Variants in ZNF19 observed in about 807,000 individuals in gnomAD.
ZNF19 encodes the protein zinc finger protein 19.
In ZNF19, 11 loss-of-function variants were observed where a neutral mutation model predicts 13.1. The ratio of observed to expected loss-of-function variants is 0.84; its 90% CI spans 0.53 to 1.39. ZNF19 has a LOEUF of 1.39. ZNF19 is among the 40% of genes most tolerant of loss of function. ZNF19 has a pLI of 0.00. For synonymous variants in ZNF19, 186 were observed against 187.0 expected (o/e 0.99, Z 0.04); for missense variants, 560 against 547.0 (o/e 1.02, Z -0.24).
At position 71,474,699 on chromosome 16, in the gene ZNF19, C is replaced by T. The variant is rs2043588118; in HGVS notation, c.*471G>A. On this transcript the variant is annotated 3_prime_UTR_variant, in exon 6 of 6. Coordinates refer to ENST00000288177, the MANE Select transcript of ZNF19 (RefSeq NM_006961.4). ...TCAAACAACTGCTACAATGACAACA[C>T]TGTTTAAGTCAAAATTCTGTTCCAA... is the stretch of plus-strand genomic sequence containing the variant. 2 of 160,590 alleles carry T rather than the reference C, an allele frequency of 1.2e-5. No homozygotes were observed. The highest frequency in any genetic ancestry group is 2.7e-5 in the Non-Finnish European group (2 of 73,284). 9.9% of individuals were successfully genotyped at this position (160,590 alleles called of 1,614,324 possible).
chr16:71,477,909 T>G, intron 5 of ZNF19: 1 of 245,764 alleles, frequency 4.1e-6, no homozygotes, highest in Non-Finnish European at 7.9e-6. Flanking sequence ...AACTTGTACC[T>G]GCCAGAACTT....
At position 71,478,289 on chromosome 16, in the gene ZNF19, C is replaced by T; in HGVS notation, c.213G>A (p.Met71Ile). Residue 71 changes from methionine (M) to isoleucine (I), a missense_variant, in exon 5 of 6, where the codon ATG becomes ATA. Coordinates refer to ENST00000288177, the MANE Select transcript of ZNF19 (RefSeq NM_006961.4). ...CATCCTGTGCTTCCAGGCCCCAAGC[C>T]ATGTCCCCTCTCTCCAAAAGTGAGA... ...ALISLLERGD[M>I]AWGLEAQDDP... The T allele has an allele frequency of 1.2e-6, 2 of 1,614,130 alleles. No homozygotes were observed. The highest frequency in any genetic ancestry group is 1.1e-5 in the South Asian group (1 of 91,066).
intron 2 of ZNF19, among the ~76,000 whole-genome samples, chr16:71,484,226 C>G (rs1222457437): frequency 2.0e-5 from 3 of 152,220 alleles, no homozygotes; most frequent in African/African-American, 4.8e-5. Flanking sequence ...GGGGCCCACG[C>G]CCCGCCTCAT....
chr16:71,479,083 G>A, intron 3 of ZNF19, 78 bp from the exon 4 acceptor site: 1 of 1,604,926 alleles, frequency 6.2e-7, no homozygotes, highest in Non-Finnish European at 8.5e-7. Context: ...GGGACAGGTA[G>A]GGACTTGAGG....
chr16:71,475,715 A>G lies in ZNF19; in HGVS notation c.832T>C (p.Cys278Arg), dbSNP rs771580209. 6 of 1,612,520 alleles carry G rather than the reference A, an allele frequency of 3.7e-6. No individual in the cohort carries two copies. The highest frequency in any genetic ancestry group is 5.1e-6 in the Non-Finnish European group (6 of 1,178,772). ...GAATTACCAACAAAAGCTTTGCCACACTCATTACACTCATAGGGTTTCTCC... is the reference window on the plus strand; with the variant it reads ...GAATTACCAACAAAAGCTTTGCCACGCTCATTACACTCATAGGGTTTCTCC... ...TGEKPYECNE[C>R]GKAFVGNSPL... Residue 278 changes from cysteine to arginine, a missense_variant, in exon 6 of 6, where the codon TGT becomes CGT. By Grantham distance (180) the Cys-to-Arg change is radical. Coordinates refer to ENST00000288177, the MANE Select transcript of ZNF19 (RefSeq NM_006961.4).
At chr16:71,478,152 G>T in intron 5 of ZNF19, 76 bp downstream of exon 5, 1 of 960,254 alleles carries the variant, frequency 1.0e-6, no homozygotes, top group Non-Finnish European at 1.6e-6. Flanking sequence ...TTTAAATCCT[G>T]CCCAGCATGA....
chr16:71,488,906 A>C (rs2145175936), intron 1 of ZNF19: 1 of 152,404 alleles, frequency 6.6e-6, no homozygotes, highest in East Asian at 1.9e-4. Context: ...CAGACACTGC[A>C]ACTGCAAGAG....
rs2043585498 is a variant in ZNF19, at chr16:71,474,354, T to TA, written c.*815dup. 2 of 152,306 alleles carry TA rather than the reference T, an allele frequency of 1.3e-5. No individual in the cohort carries two copies. The highest frequency in any genetic ancestry group is 2.4e-5 in the African/African-American group (1 of 41,570). 9.4% of individuals were successfully genotyped at this position (152,306 alleles called of 1,614,324 possible). On this transcript the variant is annotated 3_prime_UTR_variant, in exon 6 of 6. Transcript: ENST00000288177. ...GGCCTAGAGTAGCATCCATTCCAAA[T>TA]AAAAAACTGAATAAACAGAAAATGA...
Position 71,473,771 on chromosome 16 carries a change from G to A in ZNF19, c.*1399C>T, listed in dbSNP as rs2043582058. The A allele has an allele frequency of 6.6e-6, 1 of 152,190 alleles. No individual in the cohort carries two copies. The highest frequency in any genetic ancestry group is 1.5e-5 in the Non-Finnish European group (1 of 68,066). 9.4% of individuals were successfully genotyped at this position (152,190 alleles called of 1,614,324 possible). On this transcript the variant is annotated 3_prime_UTR_variant, in exon 6 of 6. Transcript: ENST00000288177. ...AGCTAATTCTTGTATTTTTAGTAGA[G>A]ACGGGGTTTCACCATGTTGGCCAGG... is the stretch of plus-strand genomic sequence containing the variant.
At chr16:71,481,422 T>C (rs558644368) in intron 3 of ZNF19, among the ~76,000 whole-genome samples, 4 of 152,336 alleles carry the variant, frequency 2.6e-5, no homozygotes, top group Admixed American at 1.3e-4. Context: ...GTCCCAAAAA[T>C]GTAAGGTACT....
At chr16:71,482,403 CA>C (rs1745471810) in intron 2 of ZNF19, 1 of 372,910 alleles carries the variant, frequency 2.7e-6, no homozygotes, top group African/African-American at 2.0e-5. Context: ...AAGAGCAAAA[CA>C]AGCAAAAGAC....
rs764579146 is a variant in ZNF19 at position 71,478,880 on chromosome 16, C to T, written c.159G>A (p.Leu53=). 3.7e-6 allele frequency: 6 copies of T among 1,613,996 alleles called. No homozygotes were observed. The highest frequency in any genetic ancestry group is 5.1e-6 in the Non-Finnish European group (6 of 1,179,878). Residue 53 remains leucine (L), a splice_region_variant and synonymous_variant, in exon 4 of 6, where the codon TTG becomes TTA. Coordinates refer to ENST00000288177, the MANE Select transcript of ZNF19 (RefSeq NM_006961.4). The stretch of plus-strand genomic sequence containing the variant: ...GTCCTAGGAGGAAAATGGCCTTACC[C>T]AAAGCAGTCAGGTTCCCAAAATTCT... ...MLENFGNLTA[L]GYPVPKPALI... is the part of the protein sequence containing the mutation.
rs2043581915 is a variant in ZNF19 at position 71,473,739 on chromosome 16, C to A, written c.*1431G>T. 1 of 152,238 alleles carries A rather than the reference C, an allele frequency of 6.6e-6. No individual in the cohort carries two copies. The highest frequency in any genetic ancestry group is 2.4e-5 in the African/African-American group (1 of 41,446). 9.4% of individuals were successfully genotyped at this position (152,238 alleles called of 1,614,324 possible). A position where few individuals can be genotyped will look rare whatever the true frequency, so the allele number is the denominator to read the frequency against. On this transcript the variant is annotated 3_prime_UTR_variant, in exon 6 of 6. Transcript: ENST00000288177. ...AGCTGGGACTACAGGCATGCACCAC[C>A]ACGCCCAGCTAATTCTTGTATTTTT...
Position 71,474,426 on chromosome 16 carries a change from T to G in ZNF19, c.*744A>C, listed in dbSNP as rs1209844832. ...TTAGTTTCCTAGTTAAGACTTTTCT[T>G]GAGAATGGATTCACTGGTGCAGACA... is the stretch of plus-strand genomic sequence containing the variant. On this transcript the variant is annotated 3_prime_UTR_variant, in exon 6 of 6. Transcript: ENST00000288177. 3 of 152,226 alleles carry G rather than the reference T, an allele frequency of 2.0e-5. No individual in the cohort carries two copies. Among genetic ancestry groups the G allele is most frequent in the African/African-American group, 7.2e-5 (3 of 41,458 alleles). The allele number at this position is 152,226 out of a possible 1,614,324, so 9.4% of individuals were successfully genotyped here. A position where few individuals can be genotyped will look rare whatever the true frequency, so the allele number is the denominator to read the frequency against.
intron 5 of ZNF19, 132 bp downstream of exon 5, chr16:71,478,096 G>A: frequency 1.6e-6 from 1 of 641,142 alleles, no homozygotes; most frequent in Non-Finnish European, 2.8e-6. Flanking sequence ...TAAGATTGGT[G>A]AGAAACGTTT....
chr16:71,484,446 G>C (rs2043661042), intron 2 of ZNF19, 143 bp downstream of exon 2: 1 of 919,342 alleles, frequency 1.1e-6, no homozygotes, highest in South Asian at 5.0e-5. Context: ...GGACCGGCCC[G>C]CGAGCAGCCT....
chr16:71,489,126 G>T, intron 1 of ZNF19, 146 bp downstream of exon 1: 1 of 504,286 alleles, frequency 2.0e-6, no homozygotes, highest in Non-Finnish European at 2.6e-6. Flanking sequence ...AGAGCAAACA[G>T]CCCAGGTCCC....
At chr16:71,483,329 T>C (rs2043649682) in intron 2 of ZNF19, among the ~76,000 whole-genome samples, 1 of 152,252 alleles carries the variant, frequency 6.6e-6, no homozygotes, top group South Asian at 2.1e-4. Flanking sequence ...AGCAATATTC[T>C]ATAAAAAGCC....
intron 2 of ZNF19, among the ~76,000 whole-genome samples, chr16:71,482,949 C>T (rs1216616286): frequency 6.6e-6 from 1 of 152,232 alleles, no homozygotes; most frequent in Non-Finnish European, 1.5e-5. Flanking sequence ...GCGATCCACC[C>T]ACCTCGGCCT....
Sources: gnomAD v4.1 joint callset for allele counts (sites outside exome capture counted in the v4.1 genomes callset) on GRCh38, gnomAD v4.1.1 for gene constraint, MANE v1.5 for transcripts, NCBI Gene and HGNC (gene_info 2026-07-23, HGNC 2026-07-21) for gene names.